The following ARHGAP18 variants were observed in gnomAD, a reference collection of about 807,000 sequenced individuals.
ARHGAP18 encodes rho GTPase-activating protein 18.
In ARHGAP18, 67 loss-of-function variants were observed where a neutral mutation model predicts 86.2. The observed-to-expected ratio is 0.78, with a 90% CI of 0.64 to 0.95. The LOEUF is 0.95. ARHGAP18 is among the 40% of genes least tolerant of loss of function. The pLI is 0.00. For synonymous variants in ARHGAP18, 283 were observed against 280.4 expected (o/e 1.01, Z -0.09); for missense variants, 691 against 780.4 (o/e 0.89, Z 1.37).
At position 129,694,771 on chromosome 6, in the gene ARHGAP18, T is replaced by C. The variant is rs1013431261; in HGVS notation, c.113+15253A>G. On this transcript the variant is annotated intron_variant, in intron 1 of 14. Coordinates refer to ENST00000368149, the MANE Select transcript of ARHGAP18 (RefSeq NM_033515.3). The stretch of plus-strand genomic sequence containing the variant: ...CCACATTTAGGTTAAAATGTTTTAT[T>C]GGGTTTGAAGACATAAATATTAATT... Among the ~76,000 whole-genome samples the C allele has an allele frequency of 5.9e-5, 9 of 152,220 alleles. 1 individual carries two copies. In the East Asian group the frequency reaches 1.2e-3, roughly 20 times the overall value.
At chr6:129,583,938 AG>A in intron 13 of ARHGAP18, 49 bp downstream of exon 13, 1 of 1,570,300 alleles carries the variant, frequency 6.4e-7, no homozygotes, top group Non-Finnish European at 8.7e-7. Context: ...CGAGAGAGAG[AG>A]AGCAAGTGAC....
intron 12 of ARHGAP18, among the ~76,000 whole-genome samples, chr6:129,588,928 C>G (rs557114560): frequency 3.9e-5 from 6 of 152,298 alleles, no homozygotes; most frequent in Non-Finnish European, 7.4e-5. Context: ...AGTAATGGCC[C>G]GAGCTGTACC....
chr6:129,636,212 G>A (rs897655432), intron 3 of ARHGAP18, among the ~76,000 whole-genome samples: 1 of 152,156 alleles, frequency 6.6e-6, no homozygotes, highest in Non-Finnish European at 1.5e-5. Context: ...TTAAGCAAGT[G>A]CCTGGAGCAA....
At chr6:129,653,251 T>C (rs976246894) in intron 1 of ARHGAP18, among the ~76,000 whole-genome samples, 4 of 152,196 alleles carry the variant, frequency 2.6e-5, no homozygotes, top group African/African-American at 9.6e-5. Flanking sequence ...GTGTTTATGT[T>C]AGAAAATATA....
At chr6:129,618,630 C>T (rs1789144398) in intron 6 of ARHGAP18, 57 bp downstream of exon 6, 3 of 1,488,652 alleles carry the variant, frequency 2.0e-6, no homozygotes, top group Non-Finnish European at 2.7e-6. Flanking sequence ...GCAAAAAAGC[C>T]AAGTCCATCC....
chr6:129,685,132 T>C (rs986797264), intron 1 of ARHGAP18, among the ~76,000 whole-genome samples: 5 of 152,174 alleles, frequency 3.3e-5, no homozygotes, highest in African/African-American at 1.2e-4. Context: ...CATGTCACCT[T>C]GAGCAAGTTT....
chr6:129,675,685 C>A (rs558550635), intron 1 of ARHGAP18, among the ~76,000 whole-genome samples: 25 of 152,186 alleles, frequency 1.6e-4, no homozygotes, highest in South Asian at 1.0e-3. Context: ...GGTTCCCAGC[C>A]CTAAGACATT....
intron 6 of ARHGAP18, among the ~76,000 whole-genome samples, chr6:129,616,602 C>A (rs1789104309): frequency 6.6e-6 from 1 of 152,100 alleles, no homozygotes; most frequent in Non-Finnish European, 1.5e-5. Flanking sequence ...TGAGAGCATG[C>A]AAAATATCCA....
At chr6:129,602,596 T>C (rs1170248090) in intron 10 of ARHGAP18, among the ~76,000 whole-genome samples, 1 of 152,174 alleles carries the variant, frequency 6.6e-6, no homozygotes, top group Non-Finnish European at 1.5e-5. Flanking sequence ...AGAGCTTTAA[T>C]ATCTAACAAT....
At chr6:129,681,600 T>C (rs913630567) in intron 1 of ARHGAP18, among the ~76,000 whole-genome samples, 4 of 152,220 alleles carry the variant, frequency 2.6e-5, no homozygotes, top group African/African-American at 9.6e-5. Context: ...ATTACAAATA[T>C]ATTCCCATTT....
rs1554336155 is a variant in ARHGAP18 at position 129,625,480 on chromosome 6, T to TTA, written c.786+3871_786+3872dup. On this transcript the variant is annotated intron_variant, in intron 5 of 14. Coordinates refer to ENST00000368149, the MANE Select transcript of ARHGAP18 (RefSeq NM_033515.3). The stretch of plus-strand genomic sequence containing the variant: ...TATTATATATAATATATATTTTATA[T>TTA]TATATATTATATATAATATATATTT... Among the ~76,000 whole-genome samples the TTA allele has an allele frequency of 4.8e-5, 2 of 41,396 alleles. 1 individual carries two copies. The highest frequency in any genetic ancestry group is 8.3e-5 in the Non-Finnish European group (2 of 23,972). 27.2% of individuals were successfully genotyped at this position (41,396 alleles called of 152,430 possible).
intron 12 of ARHGAP18, among the ~76,000 whole-genome samples, chr6:129,592,686 C>T (rs1788541476): frequency 6.6e-6 from 1 of 152,134 alleles, no homozygotes; most frequent in South Asian, 2.1e-4. Flanking sequence ...CATAAATGAA[C>T]AGCCTCCCTT....
chr6:129,687,952 C>G (rs1214867834), intron 1 of ARHGAP18, among the ~76,000 whole-genome samples: 1 of 152,218 alleles, frequency 6.6e-6, no homozygotes, highest in Non-Finnish European at 1.5e-5. Flanking sequence ...CGAGAGCTCC[C>G]TCTTCCCACT....
At chr6:129,657,343 C>G (rs1325500464) in intron 1 of ARHGAP18, among the ~76,000 whole-genome samples, 1 of 151,102 alleles carries the variant, frequency 6.6e-6, no homozygotes, top group Non-Finnish European at 1.5e-5. Flanking sequence ...TCAGTAGTAA[C>G]TACTGATCAA....
chr6:129,708,346 G>C (rs888334022), intron 1 of ARHGAP18, among the ~76,000 whole-genome samples: 4 of 152,200 alleles, frequency 2.6e-5, no homozygotes, highest in African/African-American at 9.7e-5. Flanking sequence ...CGTGTGGGCA[G>C]CTGCCCACCC....
chr6:129,600,157 T>C (rs1788708780), intron 11 of ARHGAP18, among the ~76,000 whole-genome samples: 3 of 152,156 alleles, frequency 2.0e-5, no homozygotes, highest in African/African-American at 7.2e-5. Context: ...GCTTATAAGA[T>C]GCCTCCTGAA....
At chr6:129,629,860 A>T (rs1248979475) in intron 4 of ARHGAP18, among the ~76,000 whole-genome samples, 1 of 152,202 alleles carries the variant, frequency 6.6e-6, no homozygotes, top group Non-Finnish European at 1.5e-5. Context: ...TTGTTGTTTT[A>T]TTCTACACTG....
chr6:129,584,019 C>G lies in ARHGAP18; in HGVS notation c.1807G>C (p.Asp603His). 1 of 1,613,586 alleles carries G rather than the reference C, an allele frequency of 6.2e-7. No individual in the cohort carries two copies. The highest frequency in any genetic ancestry group is 1.1e-5 in the South Asian group (1 of 91,046). The change falls in exon 13 of 15, where the codon GAT becomes CAT. Residue 603 changes from aspartate (D) to histidine (H), a missense_variant. Asp to His is a moderately conservative substitution (Grantham distance 81). Coordinates refer to ENST00000368149, the MANE Select transcript of ARHGAP18 (RefSeq NM_033515.3). ...TGGCTGAGAAACCTGGCAAGTACAT[C>G]ACTGGCTTTTAGTTCTTCAGTTAGC... The part of the protein sequence containing the change: ...IQLTEELKAS[D>H]VLARFLSQES...
intron 1 of ARHGAP18, among the ~76,000 whole-genome samples, chr6:129,691,432 G>C (rs1774526584): frequency 1.3e-5 from 2 of 152,170 alleles, no homozygotes; most frequent in African/African-American, 2.4e-5. Flanking sequence ...TTAACATTTT[G>C]CTGAGTAAGC....
Sources: gnomAD v4.1 joint callset for allele counts (sites outside exome capture counted in the v4.1 genomes callset) on GRCh38, gnomAD v4.1.1 for gene constraint, MANE v1.5 for transcripts, NCBI Gene and HGNC (gene_info 2026-07-23, HGNC 2026-07-21) for gene names.